GTF2E2: variants seen among roughly 807,000 people sequenced by gnomAD.
GTF2E2 encodes the protein general transcription factor IIE subunit 2, also known as transcription initiation factor IIE subunit beta.
A neutral mutation model predicts 40.5 loss-of-function variants in GTF2E2; 21 were observed. That is an observed-to-expected ratio of 0.52 (90% CI 0.37 to 0.75). The LOEUF (loss-of-function observed/expected upper bound fraction) is 0.75. Among genes scored for constraint, GTF2E2 ranks in the 30% least tolerant of loss-of-function variants. The probability of loss-of-function intolerance (pLI) is 0.00; values close to 1 mark genes in which losing one functional copy is unlikely to be tolerated. For synonymous variants in GTF2E2, 117 were observed against 121.6 expected, an observed-to-expected ratio of 0.96 and a Z score of 0.25; for missense variants, 298 against 338.4, an observed-to-expected ratio of 0.88 and a Z score of 0.94.
intron 6 of GTF2E2, among the ~76,000 whole-genome samples, chr8:30,603,852 G>C (rs1366491979): frequency 6.6e-6 from 1 of 151,996 alleles, no homozygotes; most frequent in African/African-American, 2.4e-5. Flanking sequence ...ATACAAAAGT[G>C]CACCATAGAG....
At chr8:30,639,635 T>C (rs1425554097) in intron 2 of GTF2E2, among the ~76,000 whole-genome samples, 1 of 152,202 alleles carries the variant, frequency 6.6e-6, no homozygotes, top group Admixed American at 6.5e-5. Flanking sequence ...TCTAATTTTA[T>C]ACTATTCAAG....
chr8:30,614,444 G>A (rs1378858228), intron 4 of GTF2E2, among the ~76,000 whole-genome samples, 164 bp downstream of exon 4: 2 of 152,040 alleles, frequency 1.3e-5, no homozygotes, highest in Admixed American at 6.5e-5. Context: ...GCCTGGTATC[G>A]TGGCACATGC....
At chr8:30,606,383 T>C (rs1829316421) in intron 6 of GTF2E2, among the ~76,000 whole-genome samples, 1 of 152,214 alleles carries the variant, frequency 6.6e-6, no homozygotes, top group Non-Finnish European at 1.5e-5. Flanking sequence ...TAAATTGATG[T>C]CCAATTATTT....
chr8:30,621,595 T>C (rs531298434), intron 3 of GTF2E2, among the ~76,000 whole-genome samples: 1 of 152,290 alleles, frequency 6.6e-6, no homozygotes, highest in East Asian at 1.9e-4. Context: ...TTCCTAATTA[T>C]TGGATGACTT....
intron 6 of GTF2E2, chr8:30,585,307 T>C (rs762210942): frequency 3.9e-5 from 6 of 152,346 alleles, no homozygotes; most frequent in Non-Finnish European, 7.3e-5. Flanking sequence ...TCTACACCTA[T>C]TACTGTTATC....
chr8:30,654,967 ACAGTGGCT>A (rs1176838221), intron 1 of GTF2E2, among the ~76,000 whole-genome samples: 1 of 152,206 alleles, frequency 6.6e-6, no homozygotes, highest in African/African-American at 2.4e-5. Flanking sequence ...AGAGCCGGGC[ACAGTGGCT>A]CATGTCTGTA....
intron 3 of GTF2E2, among the ~76,000 whole-genome samples, chr8:30,616,781 A>C (rs947893970): frequency 2.0e-5 from 3 of 149,292 alleles, no homozygotes; most frequent in Non-Finnish European, 3.0e-5. Context: ...TTTCCAATCA[A>C]TTTTGCTGTG....
At chr8:30,635,176 T>C in intron 2 of GTF2E2, 53 bp from the exon 3 acceptor site, 2 of 969,740 alleles carry the variant, frequency 2.1e-6, no homozygotes, top group East Asian at 2.4e-5. Flanking sequence ...TTATGACTCT[T>C]GAGCAGCTAA....
intron 2 of GTF2E2, chr8:30,645,517 G>A (rs942345199): frequency 1.0e-5 from 16 of 1,535,442 alleles, no homozygotes; most frequent in African/African-American, 2.7e-5. Context: ...AAACAAAACC[G>A]TGAAAGACTT....
intron 6 of GTF2E2, among the ~76,000 whole-genome samples, chr8:30,605,205 C>T (rs1829287135): frequency 1.3e-5 from 2 of 152,124 alleles, no homozygotes; most frequent in African/African-American, 4.8e-5. Flanking sequence ...AGACTTAACA[C>T]TAAAATTCCC....
chr8:30,584,325 T>G (rs1256059645), intron 6 of GTF2E2, among the ~76,000 whole-genome samples: 1 of 152,176 alleles, frequency 6.6e-6, no homozygotes, highest in Admixed American at 6.5e-5. Flanking sequence ...CCTGACTTGT[T>G]TTATTATAGA....
intron 3 of GTF2E2, among the ~76,000 whole-genome samples, chr8:30,616,283 A>T (rs1014005461): frequency 2.0e-5 from 3 of 152,012 alleles, no homozygotes; most frequent in African/African-American, 7.3e-5. Flanking sequence ...TAAAATACAA[A>T]AAATTAGCCA....
intron 6 of GTF2E2, among the ~76,000 whole-genome samples, chr8:30,590,857 A>G (rs750790370): frequency 3.3e-5 from 5 of 151,530 alleles, no homozygotes; most frequent in Non-Finnish European, 7.4e-5. Flanking sequence ...TGCCCAGCTG[A>G]TTTTTGTATT....
intron 3 of GTF2E2, among the ~76,000 whole-genome samples, chr8:30,615,543 TG>T (rs1285387402): frequency 6.6e-6 from 1 of 152,140 alleles, no homozygotes; most frequent in Non-Finnish European, 1.5e-5. Flanking sequence ...ACTACACAGA[TG>T]TTCACAAAGT....
chr8:30,623,794 G>T (rs1446754935), intron 3 of GTF2E2, among the ~76,000 whole-genome samples: 3 of 152,002 alleles, frequency 2.0e-5, no homozygotes, highest in Non-Finnish European at 4.4e-5. Context: ...TCATGTGTCT[G>T]TTGGCTGCAT....
intron 3 of GTF2E2, among the ~76,000 whole-genome samples, chr8:30,622,110 C>T (rs1176169401): frequency 4.7e-5 from 4 of 84,654 alleles, no homozygotes; most frequent in Non-Finnish European, 9.0e-5. Context: ...TCTCCTAATG[C>T]TATCCCTCCC....
At chr8:30,606,839 G>C (rs1389553694) in intron 6 of GTF2E2, among the ~76,000 whole-genome samples, 3 of 152,116 alleles carry the variant, frequency 2.0e-5, no homozygotes, top group Non-Finnish European at 2.9e-5. Flanking sequence ...AACTGCGATT[G>C]TAAGTATAAT....
rs141621960 is a variant in GTF2E2, at chr8:30,622,700, C to T, written c.259-7985G>A. On this transcript the variant is annotated intron_variant, in intron 3 of 7. Transcript: ENST00000355904. ...TAGAAGATGGCCACAGCCAGGGGGG[C>T]CGTCTACAGACCTACCCCCAGGCAC... 8.4e-4 allele frequency among the ~76,000 whole-genome samples: 127 copies of T among 152,008 alleles called. 3 individuals carry two copies. The highest frequency in any genetic ancestry group is 2.9e-3 in the African/African-American group (122 of 41,372).
intron 6 of GTF2E2, among the ~76,000 whole-genome samples, chr8:30,600,749 C>G (rs1829154645): frequency 6.6e-6 from 1 of 152,158 alleles, no homozygotes; most frequent in Non-Finnish European, 1.5e-5. Flanking sequence ...AGTTGCCTGC[C>G]TAGGTCCAAC....
Sources: allele counts gnomAD v4.1 joint callset (sites outside exome capture counted in the v4.1 genomes callset), GRCh38; gene constraint gnomAD v4.1.1; transcripts MANE v1.5; gene names NCBI Gene and HGNC (gene_info 2026-07-23, HGNC 2026-07-21).